Variants in FAT3 observed in about 807,000 individuals in gnomAD.
FAT3 encodes the protein protocadherin Fat 3.
FAT3 carries 95 observed loss-of-function variants against 310.2 expected under a neutral mutation model. That is an observed-to-expected ratio of 0.31 (90% CI 0.26 to 0.36). FAT3 has a LOEUF of 0.36. Ranked by LOEUF, FAT3 falls within the 10% of genes least tolerant of loss-of-function variation. FAT3 has a pLI of 1.00. For missense variants in FAT3, 5,408 were observed against 5,715.6 expected (o/e 0.95, Z 1.74); for synonymous variants, 2,314 against 2,192.9 (o/e 1.06, Z -1.54).
At chr11:92,319,807 A>G (rs1160681189) in intron 1 of FAT3, among the ~76,000 whole-genome samples, 1 of 152,218 alleles carries the variant, frequency 6.6e-6, no homozygotes. Context: ...TCAAGTATAT[A>G]TAAAAATGAC....
chr11:92,591,499 T>C (rs1229166121), intron 3 of FAT3, among the ~76,000 whole-genome samples: 9 of 152,182 alleles, frequency 5.9e-5, no homozygotes. Context: ...AACAACCACA[T>C]CACTCACAGC....
Position 92,801,810 on chromosome 11 carries a change from G to T in FAT3, c.8797G>T (p.Val2933Leu), listed in dbSNP as rs1218062653. 6.2e-7 allele frequency: 1 copy of T among 1,613,722 alleles called. No homozygotes were observed. The highest frequency in any genetic ancestry group is 1.3e-5 in the African/African-American group (1 of 74,854). The change falls in exon 10 of 28, where the codon GTG becomes TTG. Residue 2933 changes from valine (V) to leucine (L), a missense_variant. Around this residue, in one of 5 missense-constraint regions of FAT3, gnomAD observed 4,588 missense variants for 4,809.8 expected, o/e 0.95. Coordinates refer to ENST00000525166, the MANE Select transcript of FAT3 (RefSeq NM_001367949.2). ...VFAQEVYRGN[V>L]KESDPPGEVV... ...CGCGCAGGAAGTGTACCGAGGGAAT[G>T]TGAAGGAGAGCGACCCACCGGGCGA...
At chr11:92,664,984 A>C (rs1741992555) in intron 3 of FAT3, among the ~76,000 whole-genome samples, 1 of 152,088 alleles carries the variant, frequency 6.6e-6, no homozygotes, top group Non-Finnish European at 1.5e-5. Flanking sequence ...TGAAATATCC[A>C]CCCTAAAAAT....
chr11:92,542,265 G>A (rs1056167964), intron 3 of FAT3, among the ~76,000 whole-genome samples: 3 of 151,978 alleles, frequency 2.0e-5, no homozygotes, highest in Admixed American at 2.0e-4. Flanking sequence ...AATGTTCATG[G>A]CATTGGTTTG....
intron 1 of FAT3, among the ~76,000 whole-genome samples, chr11:92,231,324 T>A (rs548780082): frequency 2.0e-5 from 3 of 152,334 alleles, no homozygotes; most frequent in Non-Finnish European, 4.4e-5. Flanking sequence ...CTTAAAAAAA[T>A]TTGTAAAAAA....
At position 92,800,845 on chromosome 11, in the gene FAT3, C is replaced by A; in HGVS notation, c.7832C>A (p.Ala2611Glu). Residue 2611 changes from alanine (A) to glutamate (E), a missense_variant, in exon 10 of 28, where the codon GCA (alanine) becomes GAA (glutamate). This residue lies in a region of FAT3 where 4,588 missense variants were observed against 4,809.8 expected (regional missense o/e 0.95). Coordinates refer to ENST00000525166, the MANE Select transcript of FAT3 (RefSeq NM_001367949.2). ...GTGGAATATAGAGCCAGTGTCAGGGCAGATGTTGGAAGGGGCCACTTGGTC... is the reference window on the plus strand; with the variant it reads ...GTGGAATATAGAGCCAGTGTCAGGGAAGATGTTGGAAGGGGCCACTTGGTC... The part of the protein sequence containing the change: ...MTVEYRASVR[A>E]DVGRGHLVTQ... 6.2e-7 allele frequency: 1 copy of A among 1,613,630 alleles called. No homozygotes were observed. The highest frequency in any genetic ancestry group is 8.5e-7 in the Non-Finnish European group (1 of 1,179,814).
At position 92,368,851 on chromosome 11, in the gene FAT3, C is replaced by CAT. The variant is rs1228796512; in HGVS notation, c.3292+13448_3292+13449insTA. Among the ~76,000 whole-genome samples, 1,028 of 145,898 alleles carry CAT rather than the reference C, an allele frequency of 7.0e-3. 16 individuals are homozygous for CAT. The highest frequency in any genetic ancestry group is 0.011 in the African/African-American group (398 of 37,854). Reference sequence around the variant, plus strand: ...GTGTATACATATATATATATATACACACATACACATATATATATACACACA... The same window carrying CAT: ...GTGTATACATATATATATATATACACATACATACACATATATATATACACACA... On this transcript the variant is annotated intron_variant, in intron 2 of 27. Transcript: ENST00000525166.
chr11:92,838,236 A>G (rs954973931), intron 17 of FAT3, among the ~76,000 whole-genome samples: 1 of 152,190 alleles, frequency 6.6e-6, no homozygotes, highest in African/African-American at 2.4e-5. Context: ...AAGCAACTTT[A>G]TGCTATTCTG....
intron 2 of FAT3, among the ~76,000 whole-genome samples, chr11:92,380,168 A>G (rs12788408): frequency 1.3e-5 from 2 of 151,818 alleles, no homozygotes; most frequent in Admixed American, 6.6e-5. Context: ...GAGGAAGGTT[A>G]AATTTGAAAA....
intron 20 of FAT3, among the ~76,000 whole-genome samples, chr11:92,858,940 G>A (rs926994467): frequency 6.6e-6 from 1 of 152,170 alleles, no homozygotes; most frequent in South Asian, 2.1e-4. Flanking sequence ...CAAATAAGAT[G>A]ATTTGGTGGC....
chr11:92,364,117 A>G (rs1239039305), intron 2 of FAT3, among the ~76,000 whole-genome samples: 1 of 152,132 alleles, frequency 6.6e-6, no homozygotes, highest in Admixed American at 6.6e-5. Flanking sequence ...AAAAATAATG[A>G]CAGTCATAAA....
At chr11:92,292,897 C>G (rs1371258088) in intron 1 of FAT3, among the ~76,000 whole-genome samples, 1 of 151,966 alleles carries the variant, frequency 6.6e-6, no homozygotes, top group East Asian at 1.9e-4. Context: ...CTTGTAGTCA[C>G]TGCTATTCAG....
In FAT3 at chr11:92,355,295, C is replaced by G; in HGVS notation, c.3183C>G (p.Ser1061Arg). Reference protein sequence around the residue: ...SVKENSRIGTSVLQVTARDED... With the variant: ...SVKENSRIGTRVLQVTARDED... ...AGGAAAACTCACGCATTGGAACAAG[C>G]GTGCTGCAGGTGACTGCTCGAGATG... The change falls in exon 2 of 28, where the codon AGC (serine) becomes AGG (arginine). Residue 1061 changes from serine to arginine, a missense_variant. By Grantham distance (110) the Ser-to-Arg change is moderately radical (BLOSUM62 -1). This residue lies in a region of FAT3 where 4,588 missense variants were observed against 4,809.8 expected (regional missense o/e 0.95). Transcript: ENST00000525166. 3.7e-6 allele frequency: 6 copies of G among 1,613,806 alleles called. No homozygotes were observed. Among genetic ancestry groups the G allele is most frequent in the Non-Finnish European group, 4.2e-6 (5 of 1,179,856 alleles).
intron 2 of FAT3, among the ~76,000 whole-genome samples, chr11:92,516,266 A>G (rs1425246258): frequency 6.6e-6 from 1 of 152,162 alleles, no homozygotes; most frequent in Non-Finnish European, 1.5e-5. Flanking sequence ...TGAATCCAGC[A>G]GCACATCAAA....
At chr11:92,732,924 A>C (rs1359623865) in intron 4 of FAT3, among the ~76,000 whole-genome samples, 1 of 152,208 alleles carries the variant, frequency 6.6e-6, no homozygotes, top group Non-Finnish European at 1.5e-5. Context: ...AAGGTGATAA[A>C]GGACCACTTC....
At chr11:92,522,636 T>C (rs1023295254) in intron 2 of FAT3, among the ~76,000 whole-genome samples, 2 of 152,154 alleles carry the variant, frequency 1.3e-5, no homozygotes, top group African/African-American at 4.8e-5. Flanking sequence ...AAAACTCTGG[T>C]TGGACAGAGG....
intron 1 of FAT3, among the ~76,000 whole-genome samples, chr11:92,232,729 G>A (rs562150803): frequency 2.2e-5 from 3 of 138,348 alleles, no homozygotes; most frequent in South Asian, 4.7e-4. Flanking sequence ...GACGCATGGT[G>A]TCTTGTAAAC....
chr11:92,375,359 G>A (rs759873525), intron 2 of FAT3, among the ~76,000 whole-genome samples: 2 of 152,004 alleles, frequency 1.3e-5, no homozygotes, highest in African/African-American at 2.4e-5. Flanking sequence ...CAGGCTGGTC[G>A]TGAACTCCTA....
rs1464059869 is a variant in FAT3, at chr11:92,801,827, A to G, written c.8814A>G (p.Pro2938=). The change falls in exon 10 of 28, where the codon CCA becomes CCG. Residue 2938 remains proline, a synonymous_variant. Coordinates refer to ENST00000525166, the MANE Select transcript of FAT3 (RefSeq NM_001367949.2). Reference sequence around the variant, plus strand: ...GAGGGAATGTGAAGGAGAGCGACCCACCGGGCGAGGTGGTAGCCGTCCTCA... The same window carrying G: ...GAGGGAATGTGAAGGAGAGCGACCCGCCGGGCGAGGTGGTAGCCGTCCTCA... ...VYRGNVKESD[P]PGEVVAVLST... The G allele has an allele frequency of 1.9e-6, 3 of 1,613,786 alleles. No homozygotes were observed. In the African/African-American group the frequency reaches 4.0e-5, roughly 22 times the overall value.
Sources: allele counts gnomAD v4.1 joint callset (sites outside exome capture counted in the v4.1 genomes callset), GRCh38; gene constraint gnomAD v4.1.1; regional missense constraint gnomAD v4.1.1; transcripts MANE v1.5; gene names NCBI Gene and HGNC (gene_info 2026-07-23, HGNC 2026-07-21).